Variants in RP1 observed in about 807,000 individuals in gnomAD.
RP1 encodes RP1 axonemal microtubule associated, also known as oxygen-regulated protein 1.
RP1 carries 16 observed loss-of-function variants against 14.8 expected under a neutral mutation model. That is an observed-to-expected ratio of 1.08 (90% CI 0.73 to 1.65). The LOEUF (loss-of-function observed/expected upper bound fraction) is 1.65, where lower values mean the gene tolerates loss of function less well. Among genes scored for constraint, RP1 ranks in the 40% most tolerant of loss-of-function variants. RP1 has a pLI of 0.00. For missense variants in RP1, 2,631 were observed against 2,535.0 expected (o/e 1.04, Z -0.81); for synonymous variants, 876 against 883.6 (o/e 0.99, Z 0.15).
At chr8:54,787,458 G>A (rs1393907662) in intron 24 of RP1, among the ~76,000 whole-genome samples, 1 of 151,938 alleles carries the variant, frequency 6.6e-6, no homozygotes, top group Admixed American at 6.6e-5. Context: ...TTATCTAGGG[G>A]GCGTTCATTG....
In RP1 at chr8:54,594,626, A is replaced by T. The variant is rs1007649022; in HGVS notation, c.-12-26329A>T. 6.6e-5 allele frequency among the ~76,000 whole-genome samples: 10 copies of T among 152,352 alleles called. No homozygotes were observed. The South Asian group carries it at 8.3e-4, about 13-fold the overall frequency. On this transcript the variant is annotated intron_variant, in intron 1 of 22. Coordinates refer to the RP1 transcript ENST00000636932. The stretch of plus-strand genomic sequence containing the variant: ...CTGTTTCAGACAAAATTAAGACTTA[A>T]ATTTGAAGCTCTGATTACAATTCTG...
At chr8:54,712,915 C>T (rs1487365410) in intron 15 of RP1, among the ~76,000 whole-genome samples, 5 of 152,208 alleles carry the variant, frequency 3.3e-5, no homozygotes, top group African/African-American at 4.8e-5. Flanking sequence ...AAACAGTCCT[C>T]TTAATTACCC....
intron 19 of RP1, among the ~76,000 whole-genome samples, chr8:54,740,298 A>G (rs2129358865): frequency 6.6e-6 from 1 of 150,624 alleles, no homozygotes; most frequent in Non-Finnish European, 1.5e-5. Context: ...CCAATGGGTC[A>G]AGATGTGGAG....
chr8:54,652,873 A>T, intron 5 of RP1: 1 of 1,527,056 alleles, frequency 6.5e-7, no homozygotes, highest in Non-Finnish European at 8.8e-7. Flanking sequence ...GGAGGTAAGG[A>T]TATATCAACA....
chr8:54,687,405 C>T (rs1807591632), intron 12 of RP1, among the ~76,000 whole-genome samples: 1 of 152,120 alleles, frequency 6.6e-6, no homozygotes. Flanking sequence ...TGGTTTGCTG[C>T]ACCCAACAAC....
rs974033483 is a variant in RP1, at chr8:54,607,116, C to T, written c.-12-13839C>T. 2.4e-3 allele frequency among the ~76,000 whole-genome samples: 373 copies of T among 152,276 alleles called. 3 individuals carry two copies. The highest frequency in any genetic ancestry group is 4.4e-3 in the Non-Finnish European group (297 of 68,016). On this transcript the variant is annotated intron_variant, in intron 1 of 22. Coordinates refer to the RP1 transcript ENST00000636932. ...CTGTGTTCCTTTGGAGGAGGAGAGGCGCTCTGATTTTTAGAGTTTCCAGTT... is the reference window on the plus strand; with the variant it reads ...CTGTGTTCCTTTGGAGGAGGAGAGGTGCTCTGATTTTTAGAGTTTCCAGTT...
At chr8:54,686,100 A>T (rs1168197199) in intron 12 of RP1, among the ~76,000 whole-genome samples, 1 of 152,194 alleles carries the variant, frequency 6.6e-6, no homozygotes, top group African/African-American at 2.4e-5. Context: ...GCCATATACA[A>T]AGCAGAATGA....
In RP1 at chr8:54,608,183, C is replaced by CTT. The variant is rs772485466; in HGVS notation, c.-12-12755_-12-12754dup. Among the ~76,000 whole-genome samples the CTT allele has an allele frequency of 3.7e-5, 5 of 136,878 alleles. 1 individual carries two copies. The highest frequency in any genetic ancestry group is 2.3e-4 in the South Asian group (1 of 4,346). The allele number at this position is 136,878 out of a possible 152,430, so 89.8% of individuals were successfully genotyped here. On this transcript the variant is annotated intron_variant, in intron 1 of 22. Coordinates refer to the RP1 transcript ENST00000636932. ...AGCTGTTCCTATTTTGGCCATCTGC[C>CTT]TTTTTTTTTTTTTTTTTTAATTTGA...
intron 24 of RP1, among the ~76,000 whole-genome samples, chr8:54,797,567 C>T (rs1810605268): frequency 6.6e-6 from 1 of 150,702 alleles, no homozygotes; most frequent in Non-Finnish European, 1.5e-5. Context: ...ACCTCAAACA[C>T]CTACCAGCTA....
At chr8:54,820,112 T>A in intron 24 of RP1, among the ~76,000 whole-genome samples, 1 of 151,966 alleles carries the variant, frequency 6.6e-6, no homozygotes, top group South Asian at 2.1e-4. Context: ...GGCATCAGCG[T>A]CTTTAGGAAT....
At chr8:54,642,464 T>C (rs916153608) in intron 3 of RP1, among the ~76,000 whole-genome samples, 2 of 152,148 alleles carry the variant, frequency 1.3e-5, no homozygotes, top group African/African-American at 4.8e-5. Flanking sequence ...TTCTAAACTT[T>C]AAATGTGCAT....
chr8:54,765,032 G>A (rs1240676758), intron 22 of RP1, among the ~76,000 whole-genome samples: 1 of 152,236 alleles, frequency 6.6e-6, no homozygotes, highest in Non-Finnish European at 1.5e-5. Flanking sequence ...ACCGCAAGGG[G>A]GCTCCGCCTT....
At chr8:54,577,575 T>C (rs1295333357) in intron 1 of RP1, among the ~76,000 whole-genome samples, 1 of 151,982 alleles carries the variant, frequency 6.6e-6, no homozygotes, top group Non-Finnish European at 1.5e-5. Flanking sequence ...TCGTGTGTTA[T>C]GAAGCAGTCA....
At chr8:54,768,783 TCTA>T (rs1269294010) in intron 22 of RP1, among the ~76,000 whole-genome samples, 2 of 152,164 alleles carry the variant, frequency 1.3e-5, no homozygotes, top group African/African-American at 4.8e-5. Context: ...AAAGGGAGCT[TCTA>T]ACACTAAAGT....
In RP1 at chr8:54,843,192, C is replaced by T. The variant is rs577941888; in HGVS notation, c.3835+5523C>T. 3.9e-5 allele frequency among the ~76,000 whole-genome samples: 6 copies of T among 152,220 alleles called. 1 individual carries two copies. Among genetic ancestry groups the T allele is most frequent in the East Asian group, 3.9e-4 (2 of 5,182 alleles). On this transcript the variant is annotated intron_variant, in intron 25 of 28. Transcript: ENST00000637698. ...CTGGGACTACAGGCGTGCACCACCA[C>T]GCCCAGCTAGTTTTTGTATTTTTAT...
chr8:54,752,819 C>T (rs911622476), intron 19 of RP1, among the ~76,000 whole-genome samples: 3 of 152,090 alleles, frequency 2.0e-5, no homozygotes, highest in South Asian at 2.1e-4. Flanking sequence ...TTAGGGAGAA[C>T]GTGCAAATTC....
intron 15 of RP1, among the ~76,000 whole-genome samples, chr8:54,707,846 A>G (rs1009455344): frequency 2.6e-5 from 4 of 152,228 alleles, no homozygotes; most frequent in African/African-American, 9.6e-5. Context: ...TGATCTACCC[A>G]CAAGTGCATA....
chr8:54,614,967 A>G (rs79550355), upstream of RP1, among the ~76,000 whole-genome samples: 1 of 152,202 alleles, frequency 6.6e-6, no homozygotes, highest in Non-Finnish European at 1.5e-5. Context: ...TTAATGGCAG[A>G]TCATATCTGA....
At chr8:54,603,297 CTT>C (rs1385019885) in intron 1 of RP1, among the ~76,000 whole-genome samples, 1 of 151,826 alleles carries the variant, frequency 6.6e-6, no homozygotes, top group Non-Finnish European at 1.5e-5. Context: ...AATAGGGAAT[CTT>C]TTCCCCATTT....
Sources: allele counts gnomAD v4.1 joint callset (sites outside exome capture counted in the v4.1 genomes callset), GRCh38; gene constraint gnomAD v4.1.1; transcripts MANE v1.5; gene names NCBI Gene and HGNC (gene_info 2026-07-23, HGNC 2026-07-21).